EZH2: variants seen among roughly 807,000 people sequenced by gnomAD.
EZH2 encodes enhancer of zeste 2 polycomb repressive complex 2 subunit.
EZH2 carries 18 observed loss-of-function variants against 98.4 expected under a neutral mutation model. The ratio of observed to expected loss-of-function variants is 0.18; its 90% CI spans 0.13 to 0.27. The LOEUF (loss-of-function observed/expected upper bound fraction) is 0.27, where lower values mean the gene tolerates loss of function less well. Among genes scored for constraint, EZH2 ranks in the 10% least tolerant of loss-of-function variants. The pLI, the probability that EZH2 is intolerant of heterozygous loss-of-function variation, is 1.00. For missense variants in EZH2, 470 were observed against 935.1 expected, an observed-to-expected ratio of 0.50 and a Z score of 6.49; for synonymous variants, 338 against 312.3, an observed-to-expected ratio of 1.08 and a Z score of -0.87.
chr7:148,810,382 C>T lies in EZH2; in HGVS notation c.1980G>A (p.Gly660=), dbSNP rs1425191854. The T allele has an allele frequency of 1.9e-6, 3 of 1,610,916 alleles. No individual in the cohort carries two copies. The highest frequency in any genetic ancestry group is 4.5e-5 in the East Asian group (2 of 44,854). ...IISQDEADRR[G]KVYDKYMCSF... is the part of the protein sequence containing the mutation. ...TGCACATGTATTTATCATACACTTTCCCTCTTCTGTCAGCTTCATCTTGAG... is the reference window on the plus strand; with the variant it reads ...TGCACATGTATTTATCATACACTTTTCCTCTTCTGTCAGCTTCATCTTGAG... The change falls in exon 17 of 20, where the codon GGG becomes GGA. Residue 660 remains glycine, a synonymous_variant. Transcript: ENST00000320356.
rs1421079277 is a variant in EZH2, at chr7:148,810,922, A to AAT, written c.1948-509_1948-508insAT. Among the ~76,000 whole-genome samples the AAT allele has an allele frequency of 8.9e-3, 1,331 of 148,852 alleles. 45 individuals are homozygous for AAT. Among genetic ancestry groups the AAT allele is most frequent in the African/African-American group, 0.033 (1,284 of 39,182 alleles). ...AAAAAAAAAAAAAAAAAAAAAAAAA[A>AAT]TTTGGGTGAGCTGGTTCCAAACTGA... On this transcript the variant is annotated intron_variant, in intron 16 of 19. Coordinates refer to ENST00000320356, the MANE Select transcript of EZH2 (RefSeq NM_004456.5).
rs35838307 is a variant in EZH2, at chr7:148,838,063, C to CTTT, written c.247-5316_247-5314dup. On this transcript the variant is annotated intron_variant, in intron 3 of 19. Transcript: ENST00000320356. ...ATACAGTATCGGGAAGTTTAGACTC[C>CTTT]TTTTTTTTTTTTTTTTTTTTTTGAG... Among the ~76,000 whole-genome samples the CTTT allele has an allele frequency of 9.0e-3, 904 of 100,338 alleles. 15 individuals carry two copies. Among genetic ancestry groups the CTTT allele is most frequent in the Middle Eastern group, 0.014 (2 of 138 alleles). The allele number at this position is 100,338 out of a possible 152,430, so 65.8% of individuals were successfully genotyped here. A position where few individuals can be genotyped will look rare whatever the true frequency, so the allele number is the denominator to read the frequency against.
At chr7:148,809,440 T>TA (rs781467932) in intron 17 of EZH2, 50 bp from the exon 18 acceptor site, 16 of 1,423,590 alleles carry the variant, frequency 1.1e-5, no homozygotes, top group Non-Finnish European at 1.5e-5. Flanking sequence ...CAGTTATAAG[T>TA]AAACCAAGTT....
Position 148,819,630 on chromosome 7 carries a change from T to C in EZH2, c.965A>G (p.Asn322Ser), listed in dbSNP as rs151023145. 2.8e-4 allele frequency: 451 copies of C among 1,614,152 alleles called. No individual in the cohort carries two copies. Among genetic ancestry groups the C allele is most frequent in the Non-Finnish European group, 3.5e-4 (414 of 1,179,976 alleles). ...KRKNTETALD[N>S]KPCGPQCYQH... is the part of the protein sequence containing the mutation. ...GTAACACTGTGGTCCACAAGGTTTG[T>C]TGTCTAGAGCTGTTTCTGTGTTCTT... The change falls in exon 9 of 20, where the codon AAC (asparagine) becomes AGC (serine). Residue 322 changes from asparagine to serine, a missense_variant. Physicochemically the swap from Asn to Ser is conservative, Grantham distance 46 (BLOSUM62 1). Transcript: ENST00000320356.
intron 3 of EZH2, among the ~76,000 whole-genome samples, chr7:148,845,272 A>C: frequency 6.6e-6 from 1 of 152,214 alleles, no homozygotes; most frequent in Admixed American, 6.5e-5. Flanking sequence ...CCCCATCCTT[A>C]TTCCCTTTAA....
intron 2 of EZH2, 149 bp downstream of exon 2, chr7:148,847,033 A>T (rs1279677160): frequency 1.1e-6 from 1 of 912,836 alleles, no homozygotes; most frequent in African/African-American, 1.7e-5. Context: ...GTTAAGACAG[A>T]TCAAGAACCT....
At chr7:148,827,713 T>C (rs1347802510) in intron 6 of EZH2, among the ~76,000 whole-genome samples, 3 of 152,248 alleles carry the variant, frequency 2.0e-5, no homozygotes, top group Non-Finnish European at 4.4e-5. Context: ...CTATGCTGCC[T>C]TAGCATGAGC....
chr7:148,825,560 C>A (rs536192792), intron 8 of EZH2, among the ~76,000 whole-genome samples: 16 of 152,252 alleles, frequency 1.1e-4, no homozygotes, highest in African/African-American at 3.6e-4. Context: ...TGAGGTACAG[C>A]TGCTTGGGCA....
chr7:148,835,959 A>C (rs1028049956), intron 3 of EZH2, among the ~76,000 whole-genome samples: 2 of 152,222 alleles, frequency 1.3e-5, no homozygotes, highest in Non-Finnish European at 2.9e-5. Context: ...AGCACAGAAA[A>C]TATTAAGGCA....
intron 14 of EZH2, 76 bp from the exon 15 acceptor site, chr7:148,814,213 GTAC>G: frequency 7.4e-7 from 1 of 1,355,202 alleles, no homozygotes; most frequent in Non-Finnish European, 1.0e-6. Flanking sequence ...GGCAAGGGCT[GTAC>G]TGGGCATCTC....
chr7:148,817,572 T>C, intron 10 of EZH2, 181 bp from the exon 11 acceptor site: 1 of 682,558 alleles, frequency 1.5e-6, no homozygotes, highest in Non-Finnish European at 2.4e-6. Flanking sequence ...GTCAAGAATA[T>C]TAAACCAAAT....
chr7:148,852,018 C>G (rs956874500), intron 1 of EZH2, among the ~76,000 whole-genome samples: 1 of 152,006 alleles, frequency 6.6e-6, no homozygotes, highest in African/African-American at 2.4e-5. Flanking sequence ...AGGTGAAATC[C>G]CACTAGTATG....
chr7:148,821,793 C>G (rs895181127), intron 8 of EZH2, among the ~76,000 whole-genome samples: 3 of 152,176 alleles, frequency 2.0e-5, no homozygotes, highest in Non-Finnish European at 4.4e-5. Context: ...GCCACTGCAC[C>G]ACTCTGGCCT....
intron 8 of EZH2, among the ~76,000 whole-genome samples, chr7:148,825,073 T>G (rs2129474851): frequency 6.6e-6 from 1 of 152,366 alleles, no homozygotes; most frequent in Non-Finnish European, 1.5e-5. Context: ...AAAAACTTTA[T>G]TAAATGCTAC....
intron 19 of EZH2, among the ~76,000 whole-genome samples, chr7:148,808,714 T>C (rs745574877): frequency 1.3e-5 from 2 of 152,200 alleles, no homozygotes; most frequent in Non-Finnish European, 2.9e-5. Flanking sequence ...TAAAACCATG[T>C]TGCAGAAAAA....
At chr7:148,809,041 G>GACTA (rs1189741858) in intron 19 of EZH2, 30 bp downstream of exon 19, 7 of 1,578,836 alleles carry the variant, frequency 4.4e-6, no homozygotes, top group Non-Finnish European at 6.1e-6. Context: ...AAAGCCCTTA[G>GACTA]AGATCATGCT....
chr7:148,844,791 T>C (rs2129484395), intron 3 of EZH2, among the ~76,000 whole-genome samples: 1 of 152,288 alleles, frequency 6.6e-6, no homozygotes. Flanking sequence ...ACAATACTCT[T>C]AAATTTAATG....
intron 1 of EZH2, among the ~76,000 whole-genome samples, chr7:148,851,247 A>G (rs1279683490): frequency 6.6e-6 from 1 of 152,156 alleles, no homozygotes; most frequent in Non-Finnish European, 1.5e-5. Flanking sequence ...GATAAATCGC[A>G]GGGTCAGTTA....
chr7:148,832,109 C>T (rs986324786), intron 4 of EZH2, among the ~76,000 whole-genome samples: 10 of 152,106 alleles, frequency 6.6e-5, no homozygotes, highest in African/African-American at 2.4e-4. Context: ...TTGTTTTTTT[C>T]AGACAGGGTC....
Sources: gnomAD v4.1 joint callset for allele counts (sites outside exome capture counted in the v4.1 genomes callset) on GRCh38, gnomAD v4.1.1 for gene constraint, MANE v1.5 for transcripts, NCBI Gene and HGNC (gene_info 2026-07-23, HGNC 2026-07-21) for gene names.